Variants in RBFOX1 observed in about 807,000 individuals in gnomAD.
RBFOX1 encodes the protein RNA binding fox-1 homolog 1, also known as RNA binding protein fox-1 homolog 1.
Under a neutral mutation model 57.7 loss-of-function variants are expected in RBFOX1, and 8 were observed. That is an observed-to-expected ratio of 0.14 (90% CI 0.08 to 0.25). The LOEUF is 0.25. RBFOX1 is among the 10% of genes least tolerant of loss of function. RBFOX1 has a pLI of 1.00. For missense variants in RBFOX1, 611 were observed against 548.5 expected, an observed-to-expected ratio of 1.11 and a Z score of -1.14; for synonymous variants, 326 against 222.4, an observed-to-expected ratio of 1.47 and a Z score of -4.15.
chr16:5,893,627 C>T (rs1004929371), intron 4 of RBFOX1, among the ~76,000 whole-genome samples: 7 of 152,008 alleles, frequency 4.6e-5, no homozygotes, highest in African/African-American at 7.3e-5. Context: ...GCCAACGTGG[C>T]AAAACCCCGT....
chr16:5,244,574 C>A (rs1209477258), intron 1 of RBFOX1, among the ~76,000 whole-genome samples: 1 of 152,244 alleles, frequency 6.6e-6, no homozygotes, highest in African/African-American at 2.4e-5. Flanking sequence ...GAGGCTGAAG[C>A]TCTCTCTGCT....
intron 4 of RBFOX1, among the ~76,000 whole-genome samples, chr16:7,096,908 G>A (rs1032755364): frequency 3.6e-5 from 5 of 139,734 alleles, no homozygotes; most frequent in African/African-American, 1.4e-4. Flanking sequence ...CTCTAGCTTG[G>A]GTGACAGAGC....
chr16:6,239,654 T>C (rs932660339), intron 1 of RBFOX1, among the ~76,000 whole-genome samples: 1 of 151,790 alleles, frequency 6.6e-6, no homozygotes. Flanking sequence ...CCCACCACCA[T>C]GTCCAGCTAA....
chr16:7,560,732 C>T (rs2090131252), intron 5 of RBFOX1, among the ~76,000 whole-genome samples: 1 of 152,098 alleles, frequency 6.6e-6, no homozygotes, highest in Non-Finnish European at 1.5e-5. Flanking sequence ...ACCCGCTTCT[C>T]ATTGGAGCCA....
chr16:7,692,874 A>T (rs1178385857), intron 14 of RBFOX1, among the ~76,000 whole-genome samples: 1 of 133,708 alleles, frequency 7.5e-6, no homozygotes, highest in Non-Finnish European at 1.6e-5. Context: ...TTCTGAAATG[A>T]CAGCACTTTT....
chr16:5,349,045 G>A (rs2065204189), intron 1 of RBFOX1, among the ~76,000 whole-genome samples: 1 of 152,196 alleles, frequency 6.6e-6, no homozygotes, highest in Non-Finnish European at 1.5e-5. Context: ...AAAATGTGCA[G>A]GGGCTCCAAT....
intron 4 of RBFOX1, among the ~76,000 whole-genome samples, chr16:7,218,262 C>G (rs750458389): frequency 6.6e-6 from 1 of 152,196 alleles, no homozygotes; most frequent in Non-Finnish European, 1.5e-5. Flanking sequence ...TCACTATTCT[C>G]TACCTCTCAA....
intron 1 of RBFOX1, among the ~76,000 whole-genome samples, chr16:5,455,483 T>C (rs1007098954): frequency 6.6e-6 from 1 of 152,046 alleles, no homozygotes; most frequent in Non-Finnish European, 1.5e-5. Flanking sequence ...TCATTTAGGG[T>C]CTTGTTTTCA....
At chr16:7,092,793 C>A (rs960706246) in intron 4 of RBFOX1, among the ~76,000 whole-genome samples, 2 of 152,170 alleles carry the variant, frequency 1.3e-5, no homozygotes, top group African/African-American at 2.4e-5. Context: ...TTGCAGTTCA[C>A]AAGTTTGGTA....
At chr16:6,881,436 G>T (rs1002874232) in intron 3 of RBFOX1, among the ~76,000 whole-genome samples, 3 of 152,120 alleles carry the variant, frequency 2.0e-5, no homozygotes, top group Admixed American at 6.5e-5. Context: ...CCTTCTGAGG[G>T]CTGTGAGCAA....
intron 1 of RBFOX1, among the ~76,000 whole-genome samples, chr16:6,242,629 A>AAC (rs57154832): frequency 0.1 from 14,496 of 141,258 alleles, 772 homozygotes; most frequent in Admixed American, 0.14. Flanking sequence ...ATTTATTGCA[A>AAC]ACACACACAC....
At chr16:6,832,471 C>G (rs901520006) in intron 3 of RBFOX1, among the ~76,000 whole-genome samples, 1 of 152,114 alleles carries the variant, frequency 6.6e-6, no homozygotes, top group African/African-American at 2.4e-5. Context: ...CAGTGGTTGA[C>G]TGAAATGAAA....
At chr16:6,534,460 A>G (rs181220077) in intron 2 of RBFOX1, among the ~76,000 whole-genome samples, 1 of 152,094 alleles carries the variant, frequency 6.6e-6, no homozygotes, top group African/African-American at 2.4e-5. Flanking sequence ...CAAAGACTTC[A>G]TATATATTTA....
chr16:7,699,488 C>G lies in RBFOX1; in HGVS notation c.996-9568C>G, dbSNP rs549090852. On this transcript the variant is annotated intron_variant, in intron 14 of 15. Transcript: ENST00000550418. ...AGTACAGGCACGGGCCCACCACACCCAGCCAACGTTTTTTGTTTCAATGGT... is the reference window on the plus strand; with the variant it reads ...AGTACAGGCACGGGCCCACCACACCGAGCCAACGTTTTTTGTTTCAATGGT... Among the ~76,000 whole-genome samples, 551 of 152,290 alleles carry G rather than the reference C, an allele frequency of 3.6e-3. 2 individuals carry two copies. The highest frequency in any genetic ancestry group is 6.7e-3 in the Admixed American group (102 of 15,296).
At chr16:5,973,087 C>G (rs140427421) in intron 4 of RBFOX1, among the ~76,000 whole-genome samples, 5 of 152,316 alleles carry the variant, frequency 3.3e-5, no homozygotes, top group African/African-American at 9.6e-5. Flanking sequence ...AGTCAGCTGA[C>G]TACCTGCTGT....
intron 1 of RBFOX1, among the ~76,000 whole-genome samples, chr16:5,303,963 C>T (rs2063868399): frequency 1.3e-5 from 2 of 152,122 alleles, no homozygotes; most frequent in African/African-American, 4.8e-5. Flanking sequence ...AACAGGAAAT[C>T]TTAAATGGAA....
rs143563348 is a variant in RBFOX1, at chr16:5,411,504, A to G, written c.220-55712A>G. Among the ~76,000 whole-genome samples the G allele has an allele frequency of 4.3e-3, 661 of 152,354 alleles. 9 individuals carry two copies. The highest frequency in any genetic ancestry group is 0.015 in the African/African-American group (628 of 41,586). On this transcript the variant is annotated intron_variant, in intron 1 of 2. Coordinates refer to the RBFOX1 transcript ENST00000585867. The stretch of plus-strand genomic sequence containing the variant: ...CCTGTCGATACCTTGATTCTAGGCC[A>G]GTGAGTCTTATTTTTAACTTTTGAC...
chr16:7,029,050 A>ATG (rs2153687756), intron 3 of RBFOX1, among the ~76,000 whole-genome samples: 1 of 15,384 alleles, frequency 6.5e-5, no homozygotes, highest in Non-Finnish European at 1.2e-4. Flanking sequence ...AAAAAGCTAT[A>ATG]TATATATATA....
At chr16:5,973,755 CAATT>C (rs760931747) in intron 4 of RBFOX1, among the ~76,000 whole-genome samples, 8 of 152,158 alleles carry the variant, frequency 5.3e-5, no homozygotes, top group Non-Finnish European at 8.8e-5. Context: ...TTCATTCATT[CAATT>C]GTTTCTTTGT....
Sources: allele counts gnomAD v4.1 joint callset (sites outside exome capture counted in the v4.1 genomes callset), GRCh38; gene constraint gnomAD v4.1.1; transcripts MANE v1.5; gene names NCBI Gene and HGNC (gene_info 2026-07-23, HGNC 2026-07-21).